Variants in PTPRN2 observed in about 807,000 individuals in gnomAD.
The protein encoded by PTPRN2 is protein tyrosine phosphatase receptor type N2, also known as receptor-type tyrosine-protein phosphatase N2.
A neutral mutation model predicts 118.8 loss-of-function variants in PTPRN2; 74 were observed. The observed-to-expected ratio is 0.62, with a 90% CI of 0.52 to 0.76. PTPRN2 has a LOEUF of 0.76. Among genes scored for constraint, PTPRN2 ranks in the 30% least tolerant of loss-of-function variants. The probability of loss-of-function intolerance (pLI) is 0.00; values close to 1 mark genes in which losing one functional copy is unlikely to be tolerated. For synonymous variants in PTPRN2, 641 were observed against 608.0 expected, an observed-to-expected ratio of 1.05 and a Z score of -0.80; for missense variants, 1,481 against 1,394.4, an observed-to-expected ratio of 1.06 and a Z score of -0.99.
intron 3 of PTPRN2, among the ~76,000 whole-genome samples, chr7:158,247,405 G>T (rs528454252): frequency 7.1e-5 from 9 of 126,074 alleles, no homozygotes; most frequent in Non-Finnish European, 1.3e-4. Context: ...AGGATACAGG[G>T]GCGCAAAGGG....
intron 12 of PTPRN2, among the ~76,000 whole-genome samples, chr7:157,685,260 C>CG (rs1797125817): frequency 1.3e-5 from 2 of 151,978 alleles, no homozygotes; most frequent in South Asian, 4.1e-4. Context: ...ACCCCGGCCC[C>CG]GCTGCCCCGG....
intron 12 of PTPRN2, among the ~76,000 whole-genome samples, chr7:157,887,318 G>T (rs1197463104): frequency 6.6e-6 from 1 of 152,038 alleles, no homozygotes; most frequent in East Asian, 1.9e-4. Flanking sequence ...AGGCACTTTT[G>T]CATTTAGGAG....
intron 12 of PTPRN2, among the ~76,000 whole-genome samples, chr7:157,745,434 G>T (rs555890862): frequency 5.3e-5 from 8 of 151,998 alleles, no homozygotes; most frequent in East Asian, 1.9e-4. Flanking sequence ...GAGGCAGGTT[G>T]GGGGAGAGGA....
At chr7:157,989,454 G>A (rs1804074068) in intron 11 of PTPRN2, among the ~76,000 whole-genome samples, 1 of 152,012 alleles carries the variant, frequency 6.6e-6, no homozygotes, top group South Asian at 2.1e-4. Flanking sequence ...AGAAAAGAAA[G>A]AAAGACAGCG....
intron 3 of PTPRN2, among the ~76,000 whole-genome samples, chr7:158,240,646 C>T (rs895376576): frequency 6.6e-6 from 1 of 152,184 alleles, no homozygotes; most frequent in Non-Finnish European, 1.5e-5. Context: ...CCAGGTTGGT[C>T]TTGAACTCCT....
At chr7:158,239,847 T>C (rs544055588) in intron 3 of PTPRN2, among the ~76,000 whole-genome samples, 1 of 152,304 alleles carries the variant, frequency 6.6e-6, no homozygotes, top group South Asian at 2.1e-4. Context: ...TTGCTAATCC[T>C]GGCCGGGGCA....
chr7:157,645,025 G>A (rs778883022), intron 14 of PTPRN2, among the ~76,000 whole-genome samples: 3 of 152,154 alleles, frequency 2.0e-5, no homozygotes, highest in Admixed American at 6.5e-5. Context: ...CTAATTAATC[G>A]ATATCACTGC....
chr7:158,130,299 A>T (rs548850245), intron 9 of PTPRN2, among the ~76,000 whole-genome samples: 86 of 152,278 alleles, frequency 5.6e-4, no homozygotes, highest in African/African-American at 1.9e-3. Context: ...GTACTTCTTC[A>T]CCAAGGAAGA....
intron 3 of PTPRN2, among the ~76,000 whole-genome samples, chr7:158,302,874 A>G (rs999162330): frequency 2.6e-5 from 4 of 152,244 alleles, no homozygotes; most frequent in Admixed American, 2.0e-4. Flanking sequence ...AACTTGGAAC[A>G]GTCCAGAGGC....
intron 2 of PTPRN2, among the ~76,000 whole-genome samples, chr7:158,340,299 T>A (rs1806421749): frequency 2.1e-5 from 2 of 93,842 alleles, no homozygotes; most frequent in Non-Finnish European, 4.7e-5. Context: ...ATTCTCACCA[T>A]AGGAGCTGAC....
chr7:158,332,289 T>TGC (rs1804632751), intron 2 of PTPRN2, among the ~76,000 whole-genome samples: 1 of 111,604 alleles, frequency 9.0e-6, no homozygotes, highest in African/African-American at 4.1e-5. Context: ...AGAGGTGACA[T>TGC]CTGCAGACGT....
At chr7:158,421,214 A>C (rs1172251460) in intron 2 of PTPRN2, among the ~76,000 whole-genome samples, 2 of 152,186 alleles carry the variant, frequency 1.3e-5, no homozygotes, top group African/African-American at 4.8e-5. Context: ...TGTCCTGCAC[A>C]GCTCTCAGGC....
chr7:157,584,607 G>A (rs1352375889), intron 17 of PTPRN2, among the ~76,000 whole-genome samples: 2 of 152,238 alleles, frequency 1.3e-5, no homozygotes, highest in Non-Finnish European at 2.9e-5. Context: ...CGGGGCCCAC[G>A]CAATTCTGCT....
chr7:158,123,853 G>A (rs1817385693), intron 9 of PTPRN2, among the ~76,000 whole-genome samples: 1 of 152,194 alleles, frequency 6.6e-6, no homozygotes, highest in South Asian at 2.1e-4. Context: ...GACCCAGGCA[G>A]AGCTGGTTCT....
chr7:158,139,794 A>G (rs60373194), intron 6 of PTPRN2, among the ~76,000 whole-genome samples: 21,720 of 152,258 alleles, frequency 0.14, 1,850 homozygotes, highest in African/African-American at 0.24. Flanking sequence ...ATTTCATACA[A>G]TGTGCAGAGT....
At chr7:157,963,842 A>T (rs1161358983) in intron 11 of PTPRN2, among the ~76,000 whole-genome samples, 1 of 152,040 alleles carries the variant, frequency 6.6e-6, no homozygotes, top group Non-Finnish European at 1.5e-5. Context: ...CATTTCTCAA[A>T]CTTAATTTCT....
chr7:157,686,441 C>A (rs1797197945), intron 12 of PTPRN2, among the ~76,000 whole-genome samples: 1 of 152,184 alleles, frequency 6.6e-6, no homozygotes. Context: ...AATCTTCAAA[C>A]TCCTGCTAGC....
At position 157,817,724 on chromosome 7, in the gene PTPRN2, C is replaced by T. The variant is rs556659528; in HGVS notation, c.1788+80949G>A. ...CTGGCTGCCCTGCAGAGGGTGTGTC[C>T]GTGTGGCCTGTGTGCATGCACGTGT... On this transcript the variant is annotated intron_variant, in intron 12 of 22. Transcript: ENST00000389418. Among the ~76,000 whole-genome samples, 28 of 152,178 alleles carry T rather than the reference C, an allele frequency of 1.8e-4. No individual in the cohort carries two copies. The East Asian group carries it at 2.3e-3, about 13-fold the overall frequency.
At chr7:158,010,566 T>G (rs993844980) in intron 11 of PTPRN2, among the ~76,000 whole-genome samples, 1 of 152,190 alleles carries the variant, frequency 6.6e-6, no homozygotes, top group Non-Finnish European at 1.5e-5. Flanking sequence ...TGAAGAAATC[T>G]TGAAACTATG....
Sources: allele counts gnomAD v4.1 joint callset (sites outside exome capture counted in the v4.1 genomes callset), GRCh38; gene constraint gnomAD v4.1.1; transcripts MANE v1.5; gene names NCBI Gene and HGNC (gene_info 2026-07-23, HGNC 2026-07-21).